The following MTHFD2L variants were observed in gnomAD, a reference collection of about 807,000 sequenced individuals.
The protein encoded by MTHFD2L is bifunctional methylenetetrahydrofolate dehydrogenase/cyclohydrolase 2, mitochondrial.
A neutral mutation model predicts 34.9 loss-of-function variants in MTHFD2L; 29 were observed. That is an observed-to-expected ratio of 0.83 (90% CI 0.62 to 1.13). The LOEUF is 1.13. Ranked by LOEUF, MTHFD2L falls within the 50% of genes most tolerant of loss-of-function variation. The pLI, the probability that MTHFD2L is intolerant of heterozygous loss-of-function variation, is 0.00. For synonymous variants in MTHFD2L, 167 were observed against 155.7 expected (o/e 1.07, Z -0.54); for missense variants, 481 against 446.5 (o/e 1.08, Z -0.70).
intron 6 of MTHFD2L, among the ~76,000 whole-genome samples, chr4:74,256,869 G>A (rs1253214652): frequency 1.3e-5 from 2 of 152,186 alleles, no homozygotes; most frequent in Non-Finnish European, 2.9e-5. Flanking sequence ...GTTGGGTAAT[G>A]TAGAGTTTGA....
intron 6 of MTHFD2L, among the ~76,000 whole-genome samples, chr4:74,243,560 CT>C (rs796434455): frequency 0.019 from 2,773 of 147,540 alleles, 83 homozygotes; most frequent in African/African-American, 0.062. Context: ...TTTTAATAAA[CT>C]TTTTTTTTTT....
intron 6 of MTHFD2L, among the ~76,000 whole-genome samples, chr4:74,253,534 A>G (rs969609412): frequency 2.0e-5 from 3 of 152,126 alleles, no homozygotes; most frequent in East Asian, 1.9e-4. Context: ...CTCCTGCTCT[A>G]TGGAAGAGGG....
At chr4:74,163,989 C>T (rs1726059702) in intron 1 of MTHFD2L, among the ~76,000 whole-genome samples, 1 of 152,182 alleles carries the variant, frequency 6.6e-6, no homozygotes, top group African/African-American at 2.4e-5. Flanking sequence ...CATTCTCCTG[C>T]CTCAGTCTCC....
At chr4:74,263,213 G>T (rs533832441) in intron 6 of MTHFD2L, among the ~76,000 whole-genome samples, 3 of 151,830 alleles carry the variant, frequency 2.0e-5, no homozygotes, top group Non-Finnish European at 4.4e-5. Context: ...CCAGTACCAC[G>T]TTGTTTTGGT....
intron 1 of MTHFD2L, among the ~76,000 whole-genome samples, chr4:74,128,587 T>A (rs1470100499): frequency 6.6e-6 from 1 of 152,156 alleles, no homozygotes; most frequent in African/African-American, 2.4e-5. Flanking sequence ...TGTCTGTTTT[T>A]CTACCAACCA....
chr4:74,155,780 C>A (rs548429470), upstream of MTHFD2L, among the ~76,000 whole-genome samples: 1 of 151,630 alleles, frequency 6.6e-6, no homozygotes, highest in Non-Finnish European at 1.5e-5. Flanking sequence ...CTGAGAAATG[C>A]AACAGGAGTA....
rs987706648 is a variant in MTHFD2L at position 74,214,646 on chromosome 4, C to T, written c.713-10656C>T. Among the ~76,000 whole-genome samples, 6 of 151,824 alleles carry T rather than the reference C, an allele frequency of 4.0e-5. 1 individual carries two copies. The highest frequency in any genetic ancestry group is 9.7e-5 in the African/African-American group (4 of 41,110). ...CTCTCCTGTATGAGGTGTCTATTGACCCCTGCTGCAAGGTGTCTCCCAGTC... is the reference window on the plus strand; with the variant it reads ...CTCTCCTGTATGAGGTGTCTATTGATCCCTGCTGCAAGGTGTCTCCCAGTC... On this transcript the variant is annotated intron_variant, in intron 5 of 7. Transcript: ENST00000325278.
At chr4:74,157,739 A>T (rs1187011336), upstream of MTHFD2L, 2 of 469,102 alleles carry the variant, frequency 4.3e-6, no homozygotes, top group Non-Finnish European at 8.5e-6. Context: ...CCACGTAGTC[A>T]CGGAGACTGT....
intron 6 of MTHFD2L, among the ~76,000 whole-genome samples, chr4:74,237,153 G>A (rs1322095834): frequency 6.6e-6 from 1 of 152,226 alleles, no homozygotes; most frequent in South Asian, 2.1e-4. Flanking sequence ...TACAAAGAAA[G>A]GATCTACATG....
At chr4:74,170,908 C>A (rs978205480) in intron 1 of MTHFD2L, among the ~76,000 whole-genome samples, 12 of 138,818 alleles carry the variant, frequency 8.6e-5, no homozygotes, top group Non-Finnish European at 1.7e-4. Context: ...TGTTCTCACT[C>A]ATAGGTGGGA....
At chr4:74,233,469 A>G (rs1361744505) in intron 6 of MTHFD2L, among the ~76,000 whole-genome samples, 1 of 152,138 alleles carries the variant, frequency 6.6e-6, no homozygotes, top group Non-Finnish European at 1.5e-5. Flanking sequence ...TGAGAATTAC[A>G]TCCTTAGCAC....
chr4:74,209,478 A>G (rs1415919656), intron 5 of MTHFD2L, among the ~76,000 whole-genome samples: 1 of 152,198 alleles, frequency 6.6e-6, no homozygotes, highest in Non-Finnish European at 1.5e-5. Flanking sequence ...GTTTGCTGAC[A>G]ATGATGGTTT....
chr4:74,266,187 T>C (rs920322496), intron 6 of MTHFD2L, among the ~76,000 whole-genome samples: 2 of 152,208 alleles, frequency 1.3e-5, no homozygotes, highest in African/African-American at 4.8e-5. Context: ...ATGTGGACTC[T>C]TATGTTGTTC....
chr4:74,217,453 TC>T (rs2110099801), intron 5 of MTHFD2L, among the ~76,000 whole-genome samples: 1 of 152,066 alleles, frequency 6.6e-6, no homozygotes, highest in South Asian at 2.1e-4. Flanking sequence ...CTTCTTTTTT[TC>T]CATTGCTGTT....
rs1738982549 is a variant in MTHFD2L at position 74,225,381 on chromosome 4, C to T, written c.792C>T (p.Ile264=). Residue 264 remains isoleucine, a synonymous_variant, in exon 6 of 8, where the codon ATC becomes ATT. Transcript: ENST00000325278. ...LKIHTQLADI[I]IVAAGIPKLI... ...TTCATACGCAGCTGGCAGATATTAT[C>T]ATAGTTGCTGCAGGTAAGTCCTTAG... The T allele has an allele frequency of 6.2e-7, 1 of 1,612,602 alleles. No homozygotes were observed. The highest frequency in any genetic ancestry group is 1.7e-5 in the Admixed American group (1 of 59,910).
chr4:74,197,308 A>C (rs1485507726), intron 3 of MTHFD2L, among the ~76,000 whole-genome samples: 1 of 152,046 alleles, frequency 6.6e-6, no homozygotes, highest in Non-Finnish European at 1.5e-5. Flanking sequence ...ATTTTGGGAG[A>C]CTTTTAGTAG....
intron 5 of MTHFD2L, among the ~76,000 whole-genome samples, chr4:74,218,622 C>T (rs201571319): frequency 6.6e-6 from 1 of 151,448 alleles, no homozygotes; most frequent in Non-Finnish European, 1.5e-5. Context: ...AAGCCCCCCC[C>T]CCACCACCAA....
intron 7 of MTHFD2L, 150 bp from the exon 8 acceptor site, chr4:74,301,547 G>A (rs1026085346): frequency 3.8e-6 from 2 of 528,532 alleles, no homozygotes; most frequent in Non-Finnish European, 6.7e-6. Context: ...GTGTGTGTGT[G>A]TGTGTGTGTG....
intron 6 of MTHFD2L, among the ~76,000 whole-genome samples, chr4:74,256,215 C>T (rs1578634386): frequency 6.6e-6 from 1 of 152,100 alleles, no homozygotes; most frequent in African/African-American, 2.4e-5. Flanking sequence ...GATGGTATCT[C>T]TTTCCTCTCT....
Sources: gnomAD v4.1 joint callset for allele counts (sites outside exome capture counted in the v4.1 genomes callset) on GRCh38, gnomAD v4.1.1 for gene constraint, MANE v1.5 for transcripts, NCBI Gene and HGNC (gene_info 2026-07-23, HGNC 2026-07-21) for gene names.